Variants in NEB observed in about 807,000 individuals in gnomAD.
NEB encodes nebulin, also known as nemaline myopathy type 2.
A neutral mutation model predicts 952.2 loss-of-function variants in NEB; 512 were observed. The observed-to-expected ratio is 0.54, with a 90% CI of 0.50 to 0.58. NEB has a LOEUF of 0.58. Among genes scored for constraint, NEB ranks in the 20% least tolerant of loss-of-function variants. The probability of loss-of-function intolerance (pLI) is 0.00; values close to 1 mark genes in which losing one functional copy is unlikely to be tolerated. For missense variants in NEB, 8,428 were observed against 9,231.1 expected (o/e 0.91, Z 3.56); for synonymous variants, 2,900 against 3,149.8 (o/e 0.92, Z 2.66).
Position 151,682,675 on chromosome 2 carries a change from T to C in NEB, c.2930A>G (p.Asp977Gly), listed in dbSNP as rs1414304435. The change falls in exon 29 of 182, where the codon GAC (aspartate) becomes GGC (glycine). Residue 977 changes from aspartate to glycine, a missense_variant. Asp to Gly is a moderately conservative substitution (Grantham distance 94). Coordinates refer to ENST00000397345, the MANE Select transcript of NEB (RefSeq NM_001164508.2). ...LEMEKAKRAS[D>G]ILNEKKYRQH... is the part of the protein sequence containing the mutation. ...CAGTGGCTTTACCTCATTGAGGATG[T>C]CTGAAGCTCGCTTTGCCTTTTCCAT... 5.6e-6 allele frequency: 9 copies of C among 1,612,388 alleles called. No homozygotes were observed. The highest frequency in any genetic ancestry group is 1.3e-5 in the African/African-American group (1 of 74,878).
At chr2:151,615,208 A>C (rs1007290754) in intron 76 of NEB, among the ~76,000 whole-genome samples, 2 of 152,202 alleles carry the variant, frequency 1.3e-5, no homozygotes, top group African/African-American at 4.8e-5. Context: ...AAAAGTTTTG[A>C]TAATACGGTG....
At chr2:151,668,130 A>C (rs1559041959) in intron 39 of NEB, among the ~76,000 whole-genome samples, 1 of 152,238 alleles carries the variant, frequency 6.6e-6, no homozygotes, top group Non-Finnish European at 1.5e-5. Context: ...TGATCAAAAA[A>C]TGTATATGCT....
rs1182279325 is a variant in NEB, at chr2:151,499,503, T to C, written c.24022-113A>G. 1.4e-5 allele frequency: 9 copies of C among 653,456 alleles called. No homozygotes were observed. The East Asian group carries it at 2.6e-4, about 19-fold the overall frequency. The allele number at this position is 653,456 out of a possible 1,614,324, so 40.5% of individuals were successfully genotyped here. On this transcript the variant is annotated intron_variant, in intron 168 of 181. Transcript: ENST00000397345. ...ACAGACGTCAGACAGAAAAGACAGA[T>C]TCAACAAGTCAACCTCTCTGTTCAG...
rs566364165 is a variant in NEB at position 151,626,856 on chromosome 2, T to A, written c.10347+146A>T. ...AAGCAGAAATGCTCCCATATATTGT[T>A]ATCTAACAGAATAGAGAATTCAACT... On this transcript the variant is annotated intron_variant, in intron 70 of 181. Transcript: ENST00000397345. 91 of 1,043,470 alleles carry A rather than the reference T, an allele frequency of 8.7e-5. 1 individual carries two copies. The South Asian group carries it at 1.5e-3, about 17-fold the overall frequency. The allele number at this position is 1,043,470 out of a possible 1,614,324, so 64.6% of individuals were successfully genotyped here. A position where few individuals can be genotyped will look rare whatever the true frequency, so the allele number is the denominator to read the frequency against.
At chr2:151,627,321 A>G (rs937954974) in intron 69 of NEB, 116 bp from the exon 70 acceptor site, 3 of 1,395,122 alleles carry the variant, frequency 2.2e-6, no homozygotes, top group Non-Finnish European at 2.9e-6. Flanking sequence ...ACGTTCTTCA[A>G]TATATGAAGG....
chr2:151,524,654 CTTTTTTTTTTTTTT>C (rs5835371), intron 151 of NEB, 38 bp from the exon 152 acceptor site: 37 of 257,364 alleles, frequency 1.4e-4, no homozygotes, highest in East Asian at 3.2e-4. Context: ...AAGAGAGAGG[CTTTTTTTTTTTTTT>C]TTTTTTTTTT....
intron 142 of NEB, among the ~76,000 whole-genome samples, chr2:151,535,120 T>C (rs1224762734): frequency 2.6e-5 from 4 of 152,242 alleles, no homozygotes; most frequent in African/African-American, 9.6e-5. Context: ...TAACTTAAAT[T>C]ATTGCAAAGA....
intron 9 of NEB, among the ~76,000 whole-genome samples, chr2:151,722,149 T>C (rs888489610): frequency 1.3e-5 from 2 of 152,318 alleles, no homozygotes; most frequent in East Asian, 1.9e-4. Context: ...AAATTGAGTA[T>C]AAGAGGTTCC....
At chr2:151,534,689 C>A (rs1306412719) in intron 142 of NEB, among the ~76,000 whole-genome samples, 1 of 152,174 alleles carries the variant, frequency 6.6e-6, no homozygotes. Flanking sequence ...CAAAGCATAA[C>A]TGATGCTAAA....
intron 168 of NEB, among the ~76,000 whole-genome samples, chr2:151,500,593 CTTTTTTTTTT>C (rs11428843): frequency 3.4e-5 from 4 of 118,458 alleles, no homozygotes; most frequent in African/African-American, 6.1e-5. Flanking sequence ...TTCTTTCTTC[CTTTTTTTTTT>C]TTTTTTTTTT....
chr2:151,642,354 G>T (rs1185916232), intron 60 of NEB, among the ~76,000 whole-genome samples: 2 of 152,186 alleles, frequency 1.3e-5, no homozygotes, highest in African/African-American at 4.8e-5. Flanking sequence ...AGCAGGAAAC[G>T]GACATGTTTT....
At chr2:151,510,318 C>CT (rs2073141912) in intron 161 of NEB, among the ~76,000 whole-genome samples, 1 of 152,160 alleles carries the variant, frequency 6.6e-6, no homozygotes, top group Admixed American at 6.5e-5. Flanking sequence ...TTTTGTTATG[C>CT]TTTAAGGCCC....
rs143622692 is a variant in NEB at position 151,498,748 on chromosome 2, C to T, written c.24115-396G>A. On this transcript the variant is annotated intron_variant, in intron 169 of 181. Transcript: ENST00000397345. ...ATCACATAGGGATATTTGGGTTTTA[C>T]AAACATTGTGTATATGGAGACACAT... Among the ~76,000 whole-genome samples the T allele has an allele frequency of 2.4e-4, 36 of 152,202 alleles. No individual in the cohort carries two copies. The East Asian group carries it at 6.8e-3, about 29-fold the overall frequency.
rs1575886894 is a variant in NEB at position 151,675,378 on chromosome 2, G to T, written c.3788C>A (p.Ala1263Asp). 1 of 1,572,946 alleles carries T rather than the reference G, an allele frequency of 6.4e-7. No individual in the cohort carries two copies. Among genetic ancestry groups the T allele is most frequent in the Non-Finnish European group, 8.7e-7 (1 of 1,155,466 alleles). The change falls in exon 35 of 182, where the codon GCT becomes GAT. Residue 1263 changes from alanine (A) to aspartate (D), a missense_variant. Around this residue, in one of 11 missense-constraint regions of NEB, gnomAD observed 2,851 missense variants for 2,791.5 expected, o/e 1.02. Coordinates refer to ENST00000397345, the MANE Select transcript of NEB (RefSeq NM_001164508.2). ...TKQVSDILYK[A>D]KGEDVKHKYT... Reference sequence around the variant, plus strand: ...TTTATGTTTCACATCTTCTCCTTTAGCCTTGTATAAGATCTGCAATAAAAT... The same window carrying T: ...TTTATGTTTCACATCTTCTCCTTTATCCTTGTATAAGATCTGCAATAAAAT...
At chr2:151,527,161 C>T (rs2086708434) in intron 147 of NEB, 139 bp from the exon 148 acceptor site, 2 of 644,920 alleles carry the variant, frequency 3.1e-6, no homozygotes, top group East Asian at 2.7e-5. Flanking sequence ...GCTTCTTGGT[C>T]CCTCACTGCA....
At chr2:151,647,541 C>T (rs2098976456) in intron 54 of NEB, among the ~76,000 whole-genome samples, 1 of 152,174 alleles carries the variant, frequency 6.6e-6, no homozygotes, top group Non-Finnish European at 1.5e-5. Flanking sequence ...TCACTTTAAC[C>T]AAGTGTTTAA....
In NEB at chr2:151,575,815, A is replaced by G. The variant is rs202148108; in HGVS notation, c.16909-16T>C. ...TGTACTTTGGCTGTGGAAAGAAACAAAAATAATAAAATTACTTCACAATTT... is the reference window on the plus strand; with the variant it reads ...TGTACTTTGGCTGTGGAAAGAAACAGAAATAATAAAATTACTTCACAATTT... On this transcript the variant is annotated splice_polypyrimidine_tract_variant and intron_variant, in intron 106 of 181. Coordinates refer to ENST00000397345, the MANE Select transcript of NEB (RefSeq NM_001164508.2). 89 of 1,474,856 alleles carry G rather than the reference A, an allele frequency of 6.0e-5. No individual in the cohort carries two copies. In the African/African-American group the frequency reaches 1.2e-3, roughly 19 times the overall value. The allele number at this position is 1,474,856 out of a possible 1,614,324, so 91.4% of individuals were successfully genotyped here. A position where few individuals can be genotyped will look rare whatever the true frequency, so the allele number is the denominator to read the frequency against.
intron 29 of NEB, 64 bp downstream of exon 29, chr2:151,682,598 T>C: frequency 1.5e-6 from 2 of 1,330,600 alleles, no homozygotes; most frequent in South Asian, 1.3e-5. Flanking sequence ...GCACTGCCCA[T>C]GCTTTTGAGA....
At position 151,564,032 on chromosome 2, in the gene NEB, C is replaced by T. The variant is rs563983531; in HGVS notation, c.18472-102G>A. The T allele has an allele frequency of 1.2e-4, 104 of 837,412 alleles. 1 individual carries two copies. In the South Asian group the frequency reaches 1.9e-3, roughly 15 times the overall value. 51.9% of individuals were successfully genotyped at this position (837,412 alleles called of 1,614,324 possible). A position where few individuals can be genotyped will look rare whatever the true frequency, so the allele number is the denominator to read the frequency against. On this transcript the variant is annotated intron_variant, in intron 117 of 181. Coordinates refer to ENST00000397345, the MANE Select transcript of NEB (RefSeq NM_001164508.2). ...TAAGGTGAAACATGTATGTTCAAGG[C>T]AAGGCTGAAATCTTTATCTATAGCC...
Sources: gnomAD v4.1 joint callset for allele counts (sites outside exome capture counted in the v4.1 genomes callset) on GRCh38, gnomAD v4.1.1 for gene constraint, gnomAD v4.1.1 regional missense constraint, MANE v1.5 for transcripts, NCBI Gene and HGNC (gene_info 2026-07-23, HGNC 2026-07-21) for gene names.